Variants in MPP3 observed in about 807,000 individuals in gnomAD.
The protein encoded by MPP3 is MAGUK p55 scaffold protein 3, also known as MAGUK p55 subfamily member 3.
Under a neutral mutation model 80.7 loss-of-function variants are expected in MPP3, and 48 were observed. The observed-to-expected ratio is 0.59, with a 90% CI of 0.47 to 0.76. MPP3 has a LOEUF of 0.76. Among genes scored for constraint, MPP3 ranks in the 30% least tolerant of loss-of-function variants. The probability of loss-of-function intolerance (pLI) is 0.00; values close to 1 mark genes in which losing one functional copy is unlikely to be tolerated. For missense variants in MPP3, 620 were observed against 763.0 expected (o/e 0.81, Z 2.21); for synonymous variants, 311 against 297.6 (o/e 1.04, Z -0.46).
At chr17:43,823,308 G>A (rs549810971) in intron 10 of MPP3, among the ~76,000 whole-genome samples, 57 of 151,960 alleles carry the variant, frequency 3.8e-4, no homozygotes, top group Non-Finnish European at 7.4e-4. Context: ...AGCCCTTAAC[G>A]TGCTCCTCTC....
At chr17:43,823,864 C>T in intron 10 of MPP3, 67 bp downstream of exon 10, 5 of 1,157,450 alleles carry the variant, frequency 4.3e-6, no homozygotes, top group Non-Finnish European at 5.1e-6. Flanking sequence ...GGACTGGATC[C>T]AGCCCCCAGC....
chr17:43,827,326 TTTC>T (rs1313763688), intron 8 of MPP3, among the ~76,000 whole-genome samples: 29 of 143,614 alleles, frequency 2.0e-4, no homozygotes, highest in Admixed American at 4.1e-4. Flanking sequence ...TTTTTTTTTT[TTTC>T]TTTTTTTTTT....
Position 43,824,031 on chromosome 17 carries a change from C to A in MPP3, c.610-26G>T, listed in dbSNP as rs774466124. The A allele has an allele frequency of 2.3e-5, 35 of 1,550,552 alleles. No individual in the cohort carries two copies. In the South Asian group the frequency reaches 3.8e-4, roughly 17 times the overall value. ...CTGAAACGAAAGAGAACAGAAGCTTCTCGCCTACCAGGTCTAACCCTCCAA... is the reference window on the plus strand; with the variant it reads ...CTGAAACGAAAGAGAACAGAAGCTTATCGCCTACCAGGTCTAACCCTCCAA... On this transcript the variant is annotated intron_variant, in intron 9 of 19. Coordinates refer to ENST00000398389, the MANE Select transcript of MPP3 (RefSeq NM_001932.6).
chr17:43,821,044 G>C lies in MPP3; in HGVS notation c.699C>G (p.Ala233=). The change falls in exon 11 of 20, where the codon GCC becomes GCG. Residue 233 remains alanine (A), a synonymous_variant. Coordinates refer to ENST00000398389, the MANE Select transcript of MPP3 (RefSeq NM_001932.6). ...RLKESKVFMR[A]LFHYNPREDR... is the part of the protein sequence containing the mutation. ...CCTCCCGAGGGTTGTAGTGGAAGAG[G>C]GCGCGCATGAACACCTGCACAAGGA... 6.2e-7 allele frequency: 1 copy of C among 1,613,844 alleles called. No homozygotes were observed. The highest frequency in any genetic ancestry group is 8.5e-7 in the Non-Finnish European group (1 of 1,179,906).
chr17:43,829,649 C>T lies in MPP3; in HGVS notation c.441+5G>A. Reference sequence around the variant, plus strand: ...GGTTAGAGAGGGGCAGGCAGCAGCACCTACCAGGGGTTCCTTGTTCTTCAC... The same window carrying T: ...GGTTAGAGAGGGGCAGGCAGCAGCATCTACCAGGGGTTCCTTGTTCTTCAC... On this transcript the variant is annotated splice_donor_5th_base_variant and intron_variant, in intron 7 of 19. Coordinates refer to ENST00000398389, the MANE Select transcript of MPP3 (RefSeq NM_001932.6). The T allele has an allele frequency of 6.2e-7, 1 of 1,613,602 alleles. No homozygotes were observed.
At chr17:43,805,232 CTGA>C (rs1448240113) in intron 19 of MPP3, among the ~76,000 whole-genome samples, 3 of 152,308 alleles carry the variant, frequency 2.0e-5, no homozygotes, top group East Asian at 1.9e-4. Flanking sequence ...CTCAACTTCA[CTGA>C]TGATTAGAGA....
intron 8 of MPP3, 34 bp from the exon 9 acceptor site, chr17:43,825,875 A>C: frequency 1.2e-5 from 16 of 1,371,244 alleles, no homozygotes; most frequent in Non-Finnish European, 1.7e-5. Flanking sequence ...TCAGCACAGG[A>C]GGAGGACCTG....
intron 8 of MPP3, among the ~76,000 whole-genome samples, chr17:43,826,904 C>T (rs116031786): frequency 0.022 from 3,281 of 150,560 alleles, 132 homozygotes; most frequent in African/African-American, 0.078. Context: ...GGTGTAATCA[C>T]GGCTCACTGC....
At chr17:43,818,152 C>T in intron 11 of MPP3, 42 bp from the exon 12 acceptor site, 1 of 1,433,774 alleles carries the variant, frequency 7.0e-7, no homozygotes, top group Non-Finnish European at 9.2e-7. Flanking sequence ...TGAGCTGGGC[C>T]AGATAACCAC....
chr17:43,830,269 G>A (rs1285766928), intron 5 of MPP3, among the ~76,000 whole-genome samples, 162 bp from the exon 6 acceptor site: 1 of 152,144 alleles, frequency 6.6e-6, no homozygotes, highest in Non-Finnish European at 1.5e-5. Flanking sequence ...CACACCAGGG[G>A]TCAGGAGCAG....
rs2045682231 is a variant in MPP3 at position 43,826,040 on chromosome 17, C to G, written c.524-199G>C. Among the ~76,000 whole-genome samples the G allele has an allele frequency of 1.3e-5, 2 of 152,180 alleles. 1 individual carries two copies. Among genetic ancestry groups the G allele is most frequent in the Admixed American group, 1.3e-4 (2 of 15,278 alleles). ...CACTCGGCATGCAGGGCTCAAATCACCCAGTAAAATCTCCAATTTACAAGT... is the reference window on the plus strand; with the variant it reads ...CACTCGGCATGCAGGGCTCAAATCAGCCAGTAAAATCTCCAATTTACAAGT... On this transcript the variant is annotated intron_variant, in intron 8 of 19. Transcript: ENST00000398389.
At chr17:43,803,107 C>T (rs574625996) in intron 19 of MPP3, among the ~76,000 whole-genome samples, 1 of 152,278 alleles carries the variant, frequency 6.6e-6, no homozygotes, top group Admixed American at 6.5e-5. Context: ...TGCAGGGCTA[C>T]TTTCATACTC....
At chr17:43,815,972 T>C in intron 14 of MPP3, 66 bp downstream of exon 14, 1 of 1,384,276 alleles carries the variant, frequency 7.2e-7, no homozygotes, top group Non-Finnish European at 9.6e-7. Flanking sequence ...TGCTTTGACC[T>C]CTCCCTAACT....
chr17:43,829,550 G>T, intron 7 of MPP3, 104 bp downstream of exon 7: 1 of 1,380,082 alleles, frequency 7.2e-7, no homozygotes, highest in Non-Finnish European at 9.9e-7. Flanking sequence ...CAAAGCTGCC[G>T]TCACTCACTC....
intron 7 of MPP3, 58 bp downstream of exon 7, chr17:43,829,596 G>A: frequency 6.3e-7 from 1 of 1,593,390 alleles, no homozygotes; most frequent in Non-Finnish European, 8.5e-7. Flanking sequence ...CAGTGTTCTG[G>A]GTGGGGGTGA....
chr17:43,825,656 C>T, intron 9 of MPP3, 100 bp downstream of exon 9: 1 of 829,630 alleles, frequency 1.2e-6, no homozygotes, highest in Non-Finnish European at 2.0e-6. Flanking sequence ...CTCCTCAGGA[C>T]AACAGCAAGG....
chr17:43,820,827 T>G (rs2045418631), intron 11 of MPP3, 35 bp downstream of exon 11: 1 of 1,606,542 alleles, frequency 6.2e-7, no homozygotes, highest in African/African-American at 1.3e-5. Context: ...TCTGCCACTC[T>G]GGAACCAGCC....
rs2045945010 is a variant in MPP3, at chr17:43,831,259, C to G, written c.207G>C (p.Val69=). ...QSPTPVLHSA[V]ALAEDVMEEL... is the part of the protein sequence containing the mutation. ...TGGGGCTTACGTCCTCAGCGAGGGC[C>G]ACAGCGCTGTGCAGAACTGGGGTTG... is the stretch of plus-strand genomic sequence containing the variant. Residue 69 remains valine, a synonymous_variant, in exon 5 of 20, where the codon GTG becomes GTC. Coordinates refer to ENST00000398389, the MANE Select transcript of MPP3 (RefSeq NM_001932.6). 1.2e-6 allele frequency: 2 copies of G among 1,613,958 alleles called. No individual in the cohort carries two copies. The highest frequency in any genetic ancestry group is 1.3e-5 in the African/African-American group (1 of 74,934).
Position 43,825,801 on chromosome 17 carries a change from C to T in MPP3, c.564G>A (p.Gly188=). 1 of 1,613,604 alleles carries T rather than the reference C, an allele frequency of 6.2e-7. No homozygotes were observed. The highest frequency in any genetic ancestry group is 8.5e-7 in the Non-Finnish European group (1 of 1,179,490). The part of the protein sequence containing the change: ...HVGDELREVN[G]IAVLHKRPDE... ...CGGGCCGCTTGTGCAGGACTGCGAT[C>T]CCGTTCACTTCTCGGAGCTCATCTC... Residue 188 remains glycine (G), a synonymous_variant, in exon 9 of 20, where the codon GGG becomes GGA. Coordinates refer to ENST00000398389, the MANE Select transcript of MPP3 (RefSeq NM_001932.6).
Sources: gnomAD v4.1 joint callset for allele counts (sites outside exome capture counted in the v4.1 genomes callset) on GRCh38, gnomAD v4.1.1 for gene constraint, MANE v1.5 for transcripts, NCBI Gene and HGNC (gene_info 2026-07-23, HGNC 2026-07-21) for gene names.